The following GLIS3 variants were observed in gnomAD, a reference collection of about 807,000 sequenced individuals.
GLIS3 encodes GLIS family zinc finger 3.
A neutral mutation model predicts 78.6 loss-of-function variants in GLIS3; 53 were observed. The observed-to-expected ratio is 0.67, with a 90% confidence interval of 0.54 to 0.85. The LOEUF (loss-of-function observed/expected upper bound fraction) is 0.85, where lower values mean the gene tolerates loss of function less well. Among genes scored for constraint, GLIS3 ranks in the 40% least tolerant of loss-of-function variants. The pLI, the probability that GLIS3 is intolerant of heterozygous loss-of-function variation, is 0.00. For synonymous variants in GLIS3, 684 were observed against 509.9 expected (o/e 1.34, Z -4.60); for missense variants, 1,703 against 1,231.1 (o/e 1.38, Z -5.74).
intron 4 of GLIS3, among the ~76,000 whole-genome samples, chr9:4,032,994 C>T (rs934258138): frequency 1.2e-4 from 18 of 152,144 alleles, no homozygotes; most frequent in African/African-American, 3.9e-4. Flanking sequence ...GCTGGGACTA[C>T]AGGCGCCCGC....
chr9:4,089,710 T>C (rs1829328922), intron 4 of GLIS3, among the ~76,000 whole-genome samples: 1 of 152,078 alleles, frequency 6.6e-6, no homozygotes, highest in Non-Finnish European at 1.5e-5. Context: ...TCTCAGCTAC[T>C]TGGGAGGCTG....
At chr9:4,338,729 G>C (rs1278875747) in intron 2 of GLIS3, among the ~76,000 whole-genome samples, 1 of 152,160 alleles carries the variant, frequency 6.6e-6, no homozygotes, top group Non-Finnish European at 1.5e-5. Flanking sequence ...AGCCCCATGG[G>C]AGAAGGAGCT....
chr9:3,829,102 G>C (rs1817888837), intron 10 of GLIS3, among the ~76,000 whole-genome samples: 1 of 152,122 alleles, frequency 6.6e-6, no homozygotes, highest in African/African-American at 2.4e-5. Flanking sequence ...GGAGAGACAT[G>C]ATGGCTCCTG....
intron 4 of GLIS3, among the ~76,000 whole-genome samples, chr9:4,030,137 T>C (rs1481142680): frequency 6.6e-6 from 1 of 152,204 alleles, no homozygotes; most frequent in Non-Finnish European, 1.5e-5. Context: ...ATATAAGCCA[T>C]TTTAACTATG....
chr9:3,891,095 G>A (rs1563817965), intron 7 of GLIS3, among the ~76,000 whole-genome samples: 1 of 142,256 alleles, frequency 7.0e-6, no homozygotes, highest in African/African-American at 2.6e-5. Flanking sequence ...GAAGAAGAAA[G>A]TAGGAGGAAG....
intron 2 of GLIS3, among the ~76,000 whole-genome samples, chr9:4,321,421 C>CAAAA (rs35583742): frequency 0.062 from 1,003 of 16,292 alleles, 428 homozygotes; most frequent in Non-Finnish European, 0.084. Flanking sequence ...GACTCCGTCT[C>CAAAA]AAAAAAAAAA....
intron 7 of GLIS3, chr9:3,898,451 C>T (rs982174037): frequency 5.6e-6 from 3 of 538,424 alleles, no homozygotes; most frequent in Non-Finnish European, 1.0e-5. Context: ...GAATTTCTGG[C>T]AGAAGTCCAT....
chr9:4,146,533 C>G lies in GLIS3; in HGVS notation c.389-20592G>C, dbSNP rs145852819. Among the ~76,000 whole-genome samples, 59 of 152,296 alleles carry G rather than the reference C, an allele frequency of 3.9e-4. No homozygotes were observed. In the East Asian group the frequency reaches 0.01, roughly 26 times the overall value. ...CTGTCCTCATCTCTGACATGCAACA[C>G]TACTCAGCAGCAATCTTCCCAAGTA... On this transcript the variant is annotated intron_variant, in intron 2 of 10. Coordinates refer to ENST00000381971, the MANE Select transcript of GLIS3 (RefSeq NM_001042413.2).
Position 4,308,087 on chromosome 9 carries a change from AC to A in GLIS3, n.584+689del, listed in dbSNP as rs544182209. 8.5e-5 allele frequency among the ~76,000 whole-genome samples: 13 copies of A among 152,184 alleles called. No homozygotes were observed. The South Asian group carries it at 2.7e-3, about 32-fold the overall frequency. Reference sequence around the variant, plus strand: ...CCTTACAGTATTTAATGCTCTTGATACTATCTGGGGCCTGGCCACGTGCATC... The same window carrying A: ...CCTTACAGTATTTAATGCTCTTGATATATCTGGGGCCTGGCCACGTGCATC... On this transcript the variant is annotated intron_variant and non_coding_transcript_variant, in intron 4 of 4. Coordinates refer to the GLIS3 transcript ENST00000471664.
rs189169045 is a variant in GLIS3 at position 4,190,915 on chromosome 9, T to G, written c.389-64974A>C. On this transcript the variant is annotated intron_variant, in intron 2 of 10. Coordinates refer to ENST00000381971, the MANE Select transcript of GLIS3 (RefSeq NM_001042413.2). Reference sequence around the variant, plus strand: ...AAGAAAAGAATTTTCAACCCAGAATTTCACATCCAGCCAAACTAAGCTTCA... The same window carrying G: ...AAGAAAAGAATTTTCAACCCAGAATGTCACATCCAGCCAAACTAAGCTTCA... Among the ~76,000 whole-genome samples the G allele has an allele frequency of 2.9e-3, 436 of 152,204 alleles. 2 individuals are homozygous for G. The highest frequency in any genetic ancestry group is 0.01 in the African/African-American group (427 of 41,516).
At chr9:4,482,407 C>T in the GLIS3 span, among the ~76,000 whole-genome samples, 2 of 152,142 alleles carry the variant, frequency 1.3e-5, no homozygotes, top group Non-Finnish European at 2.9e-5. Flanking sequence ...TAAGTTCTAT[C>T]TAGACTGAGA....
At chr9:4,196,438 T>C (rs1422184843) in intron 2 of GLIS3, among the ~76,000 whole-genome samples, 2 of 152,202 alleles carry the variant, frequency 1.3e-5, no homozygotes, top group African/African-American at 4.8e-5. Context: ...TTTCGCTCTT[T>C]GCGATAAATC....
intron 6 of GLIS3, among the ~76,000 whole-genome samples, chr9:3,905,020 C>T (rs538969270): frequency 3.4e-4 from 51 of 150,918 alleles, no homozygotes; most frequent in African/African-American, 7.8e-4. Flanking sequence ...TCTCCCAGGC[C>T]GGAGTGCAGT....
chr9:4,163,553 G>C (rs1033708389), intron 2 of GLIS3, among the ~76,000 whole-genome samples: 2 of 152,242 alleles, frequency 1.3e-5, no homozygotes, highest in Non-Finnish European at 2.9e-5. Flanking sequence ...CAGGCAGTAA[G>C]ACCACATTTC....
chr9:4,045,782 C>T (rs1015469041), intron 4 of GLIS3, among the ~76,000 whole-genome samples: 1 of 152,114 alleles, frequency 6.6e-6, no homozygotes, highest in South Asian at 2.1e-4. Context: ...TATTATGAGT[C>T]CTTGCAACAG....
chr9:4,227,753 A>G (rs1336025205), intron 2 of GLIS3, among the ~76,000 whole-genome samples: 1 of 152,246 alleles, frequency 6.6e-6, no homozygotes, highest in Non-Finnish European at 1.5e-5. Flanking sequence ...AGTCAGGTGA[A>G]GCCAAGGAGC....
intron 2 of GLIS3, among the ~76,000 whole-genome samples, chr9:4,195,864 T>C (rs548626611): frequency 2.0e-4 from 30 of 152,360 alleles, no homozygotes; most frequent in Admixed American, 7.8e-4. Context: ...GCTAATCTAG[T>C]GAGGACGTGG....
intron 2 of GLIS3, among the ~76,000 whole-genome samples, chr9:4,219,152 C>T (rs1257038414): frequency 1.3e-5 from 2 of 152,236 alleles, no homozygotes; most frequent in Non-Finnish European, 2.9e-5. Context: ...CTTTGAGCTT[C>T]TGAACCTGAC....
At chr9:4,413,224 C>A in the GLIS3 span, among the ~76,000 whole-genome samples, 2,377 of 152,306 alleles carry the variant, frequency 0.016, 21 homozygotes, top group Middle Eastern at 0.092. Context: ...TTTAATACCA[C>A]AATCCCAAAT....
Sources: allele counts gnomAD v4.1 joint callset (sites outside exome capture counted in the v4.1 genomes callset), GRCh38; gene constraint gnomAD v4.1.1; transcripts MANE v1.5; gene names NCBI Gene and HGNC (gene_info 2026-07-23, HGNC 2026-07-21).